The following DAB1 variants were observed in gnomAD, a reference collection of about 807,000 sequenced individuals.
DAB1 encodes the protein disabled homolog 1.
DAB1 carries 15 observed loss-of-function variants against 64.6 expected under a neutral mutation model. The observed-to-expected ratio is 0.23, with a 90% CI of 0.16 to 0.36. The LOEUF (loss-of-function observed/expected upper bound fraction) is 0.36, where lower values mean the gene tolerates loss of function less well. Ranked by LOEUF, DAB1 falls within the 10% of genes least tolerant of loss-of-function variation. The pLI is 1.00. For missense variants in DAB1, 596 were observed against 706.7 expected, an observed-to-expected ratio of 0.84 and a Z score of 1.78; for synonymous variants, 235 against 251.9, an observed-to-expected ratio of 0.93 and a Z score of 0.64.
At chr1:57,823,990 A>T (rs143127243), downstream of DAB1, among the ~76,000 whole-genome samples, 36 of 152,342 alleles carry the variant, frequency 2.4e-4, no homozygotes, top group African/African-American at 7.0e-4. Context: ...TCTTTTGAGA[A>T]GGATAGTAAG....
chr1:57,715,966 A>T (rs1647079255), intron 6 of DAB1, among the ~76,000 whole-genome samples: 1 of 152,182 alleles, frequency 6.6e-6, no homozygotes, highest in African/African-American at 2.4e-5. Flanking sequence ...GCTAGAATGC[A>T]ATGGCATGAA....
intron 3 of DAB1, among the ~76,000 whole-genome samples, chr1:58,440,461 C>T (rs706433): frequency 0.18 from 27,165 of 152,112 alleles, 2,743 homozygotes; most frequent in East Asian, 0.33. Flanking sequence ...CTGAGGATAA[C>T]CTCCTGGCCA....
At chr1:57,612,218 T>TGTGTGTGTGC (rs952589739) in intron 7 of DAB1, among the ~76,000 whole-genome samples, 6 of 151,612 alleles carry the variant, frequency 4.0e-5, no homozygotes, top group African/African-American at 9.7e-5. Flanking sequence ...TGTGTGTGTG[T>TGTGTGTGTGC]GCATGTGTGT....
At chr1:58,097,591 T>C (rs1474597196) in intron 5 of DAB1, among the ~76,000 whole-genome samples, 1 of 151,550 alleles carries the variant, frequency 6.6e-6, no homozygotes, top group African/African-American at 2.4e-5. Flanking sequence ...GTTCATCAGG[T>C]AAATTGAGAG....
At chr1:58,523,895 T>C (rs1416727210) in intron 2 of DAB1, among the ~76,000 whole-genome samples, 1 of 151,946 alleles carries the variant, frequency 6.6e-6, no homozygotes, top group East Asian at 1.9e-4. Context: ...CGAGACTCCA[T>C]CTCAAAAAAA....
intron 7 of DAB1, among the ~76,000 whole-genome samples, chr1:57,463,991 G>C (rs1275465207): frequency 6.6e-6 from 1 of 152,158 alleles, no homozygotes; most frequent in Non-Finnish European, 1.5e-5. Flanking sequence ...AGAGGGCCTG[G>C]TGTATGAAAT....
intron 6 of DAB1, among the ~76,000 whole-genome samples, chr1:57,714,648 G>A (rs1419828859): frequency 6.6e-6 from 1 of 152,198 alleles, no homozygotes; most frequent in East Asian, 1.9e-4. Flanking sequence ...CAATAGAGTT[G>A]AAGAGTTAAG....
In DAB1 at chr1:58,068,124, C is replaced by T. The variant is rs117547268; in HGVS notation, n.387+82387G>A. Among the ~76,000 whole-genome samples, 227 of 152,304 alleles carry T rather than the reference C, an allele frequency of 1.5e-3. 6 individuals carry two copies. In the East Asian group the frequency reaches 0.033, roughly 22 times the overall value. On this transcript the variant is annotated intron_variant and non_coding_transcript_variant, in intron 5 of 20. Coordinates refer to the DAB1 transcript ENST00000485760. Reference sequence around the variant, plus strand: ...CAAAGAAGGTAAAATTCAGGGAAGGCTCACATTGGGTCCGTGAAGAGCACT... The same window carrying T: ...CAAAGAAGGTAAAATTCAGGGAAGGTTCACATTGGGTCCGTGAAGAGCACT...
chr1:57,096,898 G>T (rs1654217335), intron 4 of DAB1, among the ~76,000 whole-genome samples: 1 of 152,114 alleles, frequency 6.6e-6, no homozygotes, highest in African/African-American at 2.4e-5. Context: ...TTCAAGCTGG[G>T]ATAACTTTTT....
chr1:57,635,406 C>T (rs1646040117), intron 7 of DAB1, among the ~76,000 whole-genome samples: 1 of 152,120 alleles, frequency 6.6e-6, no homozygotes, highest in South Asian at 2.1e-4. Flanking sequence ...TGCGTTACTG[C>T]CTGAGCTCCG....
At chr1:57,249,018 G>A (rs1486324463) in intron 2 of DAB1, among the ~76,000 whole-genome samples, 2 of 152,118 alleles carry the variant, frequency 1.3e-5, no homozygotes, top group African/African-American at 4.8e-5. Context: ...CCTAGATGTG[G>A]GCAGTGCCAA....
intron 2 of DAB1, among the ~76,000 whole-genome samples, chr1:57,231,520 G>A (rs1171142749): frequency 2.0e-5 from 3 of 152,156 alleles, no homozygotes; most frequent in Non-Finnish European, 4.4e-5. Context: ...GAATGAAAAA[G>A]AGAAAAGAAA....
At chr1:57,432,117 GAAAAA>G (rs113942764) in intron 7 of DAB1, among the ~76,000 whole-genome samples, 1 of 117,042 alleles carries the variant, frequency 8.5e-6, no homozygotes, top group Non-Finnish European at 1.8e-5. Flanking sequence ...GCAAGACTCT[GAAAAA>G]AAAAAAAAAA....
At chr1:58,378,950 C>CG (rs1557744190) in intron 3 of DAB1, among the ~76,000 whole-genome samples, 1 of 103,650 alleles carries the variant, frequency 9.6e-6, no homozygotes, top group Non-Finnish European at 1.9e-5. Flanking sequence ...TTTCCAGGTG[C>CG]GTCCGTCACC....
chr1:57,042,325 G>A (rs531005137), intron 9 of DAB1, among the ~76,000 whole-genome samples: 2 of 152,306 alleles, frequency 1.3e-5, no homozygotes, highest in South Asian at 4.1e-4. Context: ...GAATAAGTCT[G>A]TAGGTATATT....
chr1:58,499,429 G>T (rs1448806621), intron 3 of DAB1, among the ~76,000 whole-genome samples: 1 of 150,808 alleles, frequency 6.6e-6, no homozygotes, highest in Non-Finnish European at 1.5e-5. Context: ...AAGCTGCAGT[G>T]AACTATGATT....
chr1:57,066,406 G>A (rs1650915547), intron 8 of DAB1, among the ~76,000 whole-genome samples: 1 of 152,136 alleles, frequency 6.6e-6, no homozygotes, highest in Non-Finnish European at 1.5e-5. Context: ...TTTGTATTGG[G>A]AGGCTGATAA....
chr1:57,303,263 G>A (rs1316007168), intron 1 of DAB1, among the ~76,000 whole-genome samples: 1 of 152,184 alleles, frequency 6.6e-6, no homozygotes, highest in Non-Finnish European at 1.5e-5. Context: ...GACCCCCACA[G>A]ATGCCTCCTC....
At chr1:57,640,050 A>C (rs1189119411) in intron 7 of DAB1, among the ~76,000 whole-genome samples, 1 of 152,194 alleles carries the variant, frequency 6.6e-6, no homozygotes, top group Middle Eastern at 3.2e-3. Context: ...AGTCTGCAGA[A>C]GCATGGCACG....
Sources: allele counts gnomAD v4.1 joint callset (sites outside exome capture counted in the v4.1 genomes callset), GRCh38; gene constraint gnomAD v4.1.1; transcripts MANE v1.5; gene names NCBI Gene and HGNC (gene_info 2026-07-23, HGNC 2026-07-21).